The following CYBB variants were observed in gnomAD, a reference collection of about 807,000 sequenced individuals.
CYBB encodes the protein NADPH oxidase 2.
In CYBB, 5 loss-of-function variants were observed where a neutral mutation model predicts 46.5. The ratio of observed to expected loss-of-function variants is 0.11; its 90% CI spans 0.06 to 0.23. CYBB has a LOEUF of 0.23. CYBB is among the 10% of genes least tolerant of loss of function. The probability of loss-of-function intolerance (pLI) is 1.00; values close to 1 mark genes in which losing one functional copy is unlikely to be tolerated. For synonymous variants in CYBB, 183 were observed against 156.7 expected (o/e 1.17, Z -1.26); for missense variants, 307 against 428.3 (o/e 0.72, Z 2.50).
At chrX:37,783,911 CT>C (rs1238574247) in intron 3 of CYBB, among the ~76,000 whole-genome samples, 1 of 111,409 alleles carries the variant, frequency 9.0e-6, no homozygotes, top group Non-Finnish European at 1.9e-5. Flanking sequence ...ATATACAGAG[CT>C]TTAGGAAGTT....
intron 7 of CYBB, among the ~76,000 whole-genome samples, chrX:37,799,832 G>T (rs1207140918): frequency 9.0e-6 from 1 of 111,667 alleles, no homozygotes; most frequent in Non-Finnish European, 1.9e-5. Flanking sequence ...GCTAGCCATT[G>T]GTATAAAACT....
intron 1 of CYBB, among the ~76,000 whole-genome samples, chrX:37,780,866 A>C (rs1274816995): frequency 9.0e-6 from 1 of 111,638 alleles, no homozygotes; most frequent in Non-Finnish European, 1.9e-5. Flanking sequence ...TTATCAGCAA[A>C]GCAATAATGG....
intron 4 of CYBB, among the ~76,000 whole-genome samples, chrX:37,792,942 A>T (rs1363671779): frequency 1.8e-5 from 2 of 109,721 alleles, no homozygotes; most frequent in Non-Finnish European, 3.8e-5. Flanking sequence ...TTTGATTCTT[A>T]ACTCTGCTGC....
At position 37,806,506 on chromosome X, in the gene CYBB, C is replaced by A; in HGVS notation, c.1434C>A (p.Ile478=). ...RNNAGFLSYN[I]YLTGWDESQA... ...ATGCCGGCTTCCTCAGCTACAACATCTACCTCACTGGCTGGGATGAGTCTC... is the reference window on the plus strand; with the variant it reads ...ATGCCGGCTTCCTCAGCTACAACATATACCTCACTGGCTGGGATGAGTCTC... Residue 478 remains isoleucine (I), a synonymous_variant, in exon 11 of 13, where the codon ATC becomes ATA. Transcript: ENST00000378588. The A allele has an allele frequency of 8.3e-7, 1 of 1,211,099 alleles. No homozygotes were observed.
intron 8 of CYBB, among the ~76,000 whole-genome samples, chrX:37,802,054 C>T (rs1036411546): frequency 3.6e-5 from 4 of 111,938 alleles, no homozygotes. Context: ...GAAAGTCTAT[C>T]TTTATCAAAT....
Position 37,805,159 on chromosome X carries a change from G to C in CYBB, c.1305G>C (p.Lys435Asn). ...ATTGCAATAACGCCACCAATCTGAAGCTCAAAAAGGTAAGTCCTTTCATTT... is the reference window on the plus strand; with the variant it reads ...ATTGCAATAACGCCACCAATCTGAACCTCAAAAAGGTAAGTCCTTTCATTT... ...YKYCNNATNLKLKKIYFYWLC... is the reference protein window; with the variant it reads ...YKYCNNATNLNLKKIYFYWLC... The change falls in exon 10 of 13, where the codon AAG (lysine) becomes AAC (asparagine). Residue 435 changes from lysine (K) to asparagine (N), a missense_variant. Lys to Asn is a moderately conservative substitution (Grantham distance 94). Around this residue, in one of 3 missense-constraint regions of CYBB, gnomAD observed 122 missense variants for 208.3 expected, o/e 0.59. Transcript: ENST00000378588. The C allele has an allele frequency of 3.3e-6, 4 of 1,210,685 alleles. No homozygotes were observed. The highest frequency in any genetic ancestry group is 4.5e-6 in the Non-Finnish European group (4 of 894,761).
At position 37,805,061 on chromosome X, in the gene CYBB, G is replaced by A; in HGVS notation, c.1207G>A (p.Val403Met). The A allele has an allele frequency of 1.7e-6, 2 of 1,211,550 alleles. No homozygotes were observed. Among genetic ancestry groups the A allele is most frequent in the East Asian group, 3.0e-5 (1 of 33,834 alleles). Residue 403 changes from valine (V) to methionine (M), a missense_variant, in exon 10 of 13, where the codon GTG becomes ATG. Transcript: ENST00000378588. ...CAGTGAAGATGTGTTCAGCTATGAGGTGGTGATGTTAGTGGGAGCAGGGAT... is the reference window on the plus strand; with the variant it reads ...CAGTGAAGATGTGTTCAGCTATGAGATGGTGATGTTAGTGGGAGCAGGGAT... ...TASEDVFSYE[V>M]VMLVGAGIGV...
chrX:37,789,510 GAAGA>G (rs1297472224), intron 3 of CYBB, among the ~76,000 whole-genome samples: 1 of 83,048 alleles, frequency 1.2e-5, no homozygotes, highest in Non-Finnish European at 2.5e-5. Context: ...AGAAAGAAAG[GAAGA>G]AAGAAAGAAA....
chrX:37,803,324 CCT>C (rs201808383), intron 8 of CYBB, among the ~76,000 whole-genome samples: 3,893 of 110,055 alleles, frequency 0.035, 167 homozygotes, highest in African/African-American at 0.12. Context: ...ATACTAAGGC[CCT>C]CTCTCATCCT....
Position 37,792,773 on chromosome X carries a change from T to A in CYBB, c.337+714T>A, listed in dbSNP as rs184505344. Among the ~76,000 whole-genome samples, 20 of 111,132 alleles carry A rather than the reference T, an allele frequency of 1.8e-4. No homozygotes were observed. In the East Asian group the frequency reaches 5.1e-3, roughly 28 times the overall value. On this transcript the variant is annotated intron_variant, in intron 4 of 12. Coordinates refer to ENST00000378588, the MANE Select transcript of CYBB (RefSeq NM_000397.4). ...TAGCCTGAGTAAAATAGGCTTAGAT[T>A]ACAGGCATTTAACTGAGTTTCTCTT...
At chrX:37,807,271 G>A (rs992767796) in intron 11 of CYBB, among the ~76,000 whole-genome samples, 1 of 109,476 alleles carries the variant, frequency 9.1e-6, no homozygotes, top group Non-Finnish European at 1.9e-5. Flanking sequence ...AAGCTGAGGA[G>A]CATCTGTTTA....
Position 37,809,553 on chromosome X carries a change from G to A in CYBB, c.1462-14G>A. 8.4e-7 allele frequency: 1 copy of A among 1,191,174 alleles called. No individual in the cohort carries two copies. Among genetic ancestry groups the A allele is most frequent in the East Asian group, 3.0e-5 (1 of 33,124 alleles). On this transcript the variant is annotated splice_polypyrimidine_tract_variant and intron_variant, in intron 11 of 12. Coordinates refer to ENST00000378588, the MANE Select transcript of CYBB (RefSeq NM_000397.4). ...ATGTCTCTTTTTTTTCTGAATTCAT[G>A]TCCTTTCCTGTAGGCCAATCACTTT...
chrX:37,786,784 G>A (rs1373296344), intron 3 of CYBB, among the ~76,000 whole-genome samples: 1 of 111,281 alleles, frequency 9.0e-6, no homozygotes, highest in Non-Finnish European at 1.9e-5. Context: ...AAAGAAACAG[G>A]AAGGTGAGAG....
At chrX:37,806,562 C>T (rs1556471737) in intron 11 of CYBB, 29 bp downstream of exon 11, 1 of 1,190,370 alleles carries the variant, frequency 8.4e-7, no homozygotes, top group Non-Finnish European at 1.1e-6. Context: ...GGCTCAGGTC[C>T]TTCCCATAGT....
In CYBB at chrX:37,811,308, G is replaced by A. The variant is rs1929669855; in HGVS notation, c.*391G>A. 1 of 137,830 alleles carries A rather than the reference G, an allele frequency of 7.3e-6. No homozygotes were observed. The highest frequency in any genetic ancestry group is 8.0e-5 in the Admixed American group (1 of 12,528). 11.4% of individuals were successfully genotyped at this position (137,830 alleles called of 1,213,427 possible). A position where few individuals can be genotyped will look rare whatever the true frequency, so the allele number is the denominator to read the frequency against. On this transcript the variant is annotated 3_prime_UTR_variant, in exon 13 of 13. Transcript: ENST00000378588. The stretch of plus-strand genomic sequence containing the variant: ...GATACTCTTTCCACAATACTGAGCT[G>A]CCTCAGAATCCTCAAAATCAGTTTT...
rs1310299627 is a variant in CYBB at position 37,812,122 on chromosome X, T to A, written c.*1205T>A. On this transcript the variant is annotated 3_prime_UTR_variant, in exon 13 of 13. Transcript: ENST00000378588. Reference sequence around the variant, plus strand: ...TATTTGTATTATATCATCATCATCATCCTAAAATTAACAACCCAGAAACAA... The same window carrying A: ...TATTTGTATTATATCATCATCATCAACCTAAAATTAACAACCCAGAAACAA... 8.9e-6 allele frequency: 1 copy of A among 112,260 alleles called. No individual in the cohort carries two copies. Among genetic ancestry groups the A allele is most frequent in the African/African-American group, 3.2e-5 (1 of 30,811 alleles). The allele number at this position is 112,260 out of a possible 1,213,427, so 9.3% of individuals were successfully genotyped here.
At chrX:37,793,077 G>C (rs1295829371) in intron 4 of CYBB, among the ~76,000 whole-genome samples, 1 of 105,065 alleles carries the variant, frequency 9.5e-6, no homozygotes, top group Non-Finnish European at 1.9e-5. Context: ...AAGTCATTGT[G>C]AAGTACTTAT....
chrX:37,811,241 T>C lies in CYBB; in HGVS notation c.*324T>C, dbSNP rs1929668276. On this transcript the variant is annotated 3_prime_UTR_variant, in exon 13 of 13. Transcript: ENST00000378588. ...AAAGGTTCAGTAACTTCCCTAAGAT[T>C]ATGAAACTGTGACCAGATCTAGCCC... The C allele has an allele frequency of 4.1e-6, 1 of 245,150 alleles. No individual in the cohort carries two copies. Among genetic ancestry groups the C allele is most frequent in the Admixed American group, 6.0e-5 (1 of 16,722 alleles). 20.2% of individuals were successfully genotyped at this position (245,150 alleles called of 1,213,427 possible).
intron 3 of CYBB, among the ~76,000 whole-genome samples, chrX:37,784,818 G>A (rs782004382): frequency 8.9e-6 from 1 of 112,163 alleles, no homozygotes; most frequent in African/African-American, 3.2e-5. Flanking sequence ...GTACAGGGCA[G>A]ATGCCTGACA....
Sources: allele counts gnomAD v4.1 joint callset (sites outside exome capture counted in the v4.1 genomes callset), GRCh38; gene constraint gnomAD v4.1.1; regional missense constraint gnomAD v4.1.1; transcripts MANE v1.5; gene names NCBI Gene and HGNC (gene_info 2026-07-23, HGNC 2026-07-21).